COL24A1: variants seen among roughly 807,000 people sequenced by gnomAD.
COL24A1 encodes collagen type XXIV alpha 1 chain, also known as collagen alpha-1(XXIV) chain.
COL24A1 carries 224 observed loss-of-function variants against 253.9 expected under a neutral mutation model. That is an observed-to-expected ratio of 0.88 (90% CI 0.79 to 0.99). The LOEUF is 0.99. COL24A1 is among the 50% of genes least tolerant of loss of function. COL24A1 has a pLI of 0.00. For synonymous variants in COL24A1, 685 were observed against 673.7 expected (o/e 1.02, Z -0.26); for missense variants, 2,131 against 2,068.5 (o/e 1.03, Z -0.59).
chr1:85,962,859 C>G (rs1479805210), intron 23 of COL24A1, among the ~76,000 whole-genome samples: 1 of 151,922 alleles, frequency 6.6e-6, no homozygotes, highest in Non-Finnish European at 1.5e-5. Context: ...AATATTGTAG[C>G]CAATAATGAC....
chr1:85,981,341 A>G (rs1185621457), intron 20 of COL24A1, among the ~76,000 whole-genome samples: 2 of 152,176 alleles, frequency 1.3e-5, no homozygotes, highest in Non-Finnish European at 2.9e-5. Flanking sequence ...AAAGCCAAAT[A>G]TTTACAGCTA....
At chr1:85,787,490 G>C (rs1191751666) in intron 47 of COL24A1, among the ~76,000 whole-genome samples, 1 of 152,130 alleles carries the variant, frequency 6.6e-6, no homozygotes, top group African/African-American at 2.4e-5. Context: ...GCATTAGTTT[G>C]CTGAAGATAA....
chr1:85,993,747 A>G (rs1694515814), intron 19 of COL24A1, among the ~76,000 whole-genome samples: 1 of 151,984 alleles, frequency 6.6e-6, no homozygotes, highest in African/African-American at 2.4e-5. Context: ...CTGTAAAAAG[A>G]AAGGTATTTA....
chr1:85,800,962 A>C (rs1018792003), intron 47 of COL24A1, among the ~76,000 whole-genome samples: 2 of 152,198 alleles, frequency 1.3e-5, no homozygotes, highest in Admixed American at 6.5e-5. Flanking sequence ...AACAAACACA[A>C]AATGCATCTA....
chr1:86,007,159 G>A (rs1361914077), intron 19 of COL24A1, among the ~76,000 whole-genome samples: 1 of 152,106 alleles, frequency 6.6e-6, no homozygotes, highest in Non-Finnish European at 1.5e-5. Context: ...AGGCGACAGT[G>A]AGCCATGGTC....
intron 39 of COL24A1, among the ~76,000 whole-genome samples, chr1:85,845,862 G>C (rs1028853966): frequency 6.6e-6 from 1 of 151,804 alleles, no homozygotes; most frequent in Non-Finnish European, 1.5e-5. Context: ...TAAATAAAAA[G>C]ACATATGGTG....
intron 24 of COL24A1, among the ~76,000 whole-genome samples, chr1:85,924,293 A>G (rs1247310651): frequency 1.3e-5 from 2 of 152,242 alleles, no homozygotes; most frequent in Non-Finnish European, 2.9e-5. Context: ...CAATAGAAAA[A>G]GAGGGACTCC....
At chr1:86,044,339 T>C (rs1699737685) in intron 12 of COL24A1, among the ~76,000 whole-genome samples, 1 of 152,206 alleles carries the variant, frequency 6.6e-6, no homozygotes, top group African/African-American at 2.4e-5. Context: ...TAAGTTGACA[T>C]GTGGCTATAA....
chr1:85,773,203 G>T (rs1215662163), intron 53 of COL24A1, among the ~76,000 whole-genome samples: 1 of 152,086 alleles, frequency 6.6e-6, no homozygotes, highest in Non-Finnish European at 1.5e-5. Context: ...TATTTCTGAG[G>T]CCTCCGTTCT....
chr1:86,111,732 C>A (rs1161717988), intron 5 of COL24A1, among the ~76,000 whole-genome samples: 3 of 152,198 alleles, frequency 2.0e-5, no homozygotes, highest in African/African-American at 7.2e-5. Flanking sequence ...AGCTGTAACA[C>A]TGTGAAAGTC....
intron 5 of COL24A1, among the ~76,000 whole-genome samples, chr1:86,099,843 C>T (rs1480403698): frequency 6.6e-6 from 1 of 152,076 alleles, no homozygotes. Context: ...CAGAAGTATC[C>T]TAGAATATTA....
At chr1:85,819,848 CTTTTTTTTTT>C (rs550894402) in intron 45 of COL24A1, among the ~76,000 whole-genome samples, 1 of 135,886 alleles carries the variant, frequency 7.4e-6, no homozygotes, top group Admixed American at 7.5e-5. Context: ...TTCTCTTTTC[CTTTTTTTTTT>C]TTTTTTTGAG....
chr1:86,108,969 T>C (rs1303651657), intron 5 of COL24A1, among the ~76,000 whole-genome samples: 4 of 152,228 alleles, frequency 2.6e-5, no homozygotes, highest in Non-Finnish European at 5.9e-5. Flanking sequence ...AAAACAGAAC[T>C]ACTTTTGCAC....
At chr1:85,895,233 A>G (rs915061207) in intron 31 of COL24A1, among the ~76,000 whole-genome samples, 12 of 152,118 alleles carry the variant, frequency 7.9e-5, no homozygotes, top group Admixed American at 3.9e-4. Context: ...AAAAAAATGT[A>G]TAATTCTGGT....
rs932447350 is a variant in COL24A1 at position 85,858,594 on chromosome 1, A to G, written c.3301-9188T>C. ...CTTTACCTGGTCACTCCACATCCCA[A>G]TAACATATTTTCTCCTTATTTTCTC... On this transcript the variant is annotated intron_variant, in intron 37 of 59. Coordinates refer to ENST00000370571, the MANE Select transcript of COL24A1 (RefSeq NM_152890.7). Among the ~76,000 whole-genome samples the G allele has an allele frequency of 3.3e-5, 4 of 122,952 alleles. No homozygotes were observed. In the South Asian group the frequency reaches 9.3e-4, roughly 29 times the overall value. 80.7% of individuals were successfully genotyped at this position (122,952 alleles called of 152,430 possible). A position where few individuals can be genotyped will look rare whatever the true frequency, so the allele number is the denominator to read the frequency against.
intron 14 of COL24A1, 120 bp from the exon 15 acceptor site, chr1:86,023,127 C>T (rs555426634): frequency 6.5e-5 from 50 of 768,578 alleles, no homozygotes; most frequent in Non-Finnish European, 1.0e-4. Context: ...CCTACACGTG[C>T]CTTGTTCTTC....
chr1:85,816,645 A>G, intron 47 of COL24A1, 143 bp downstream of exon 47: 1 of 644,878 alleles, frequency 1.6e-6, no homozygotes, highest in South Asian at 2.0e-5. Flanking sequence ...TCCTAAATAC[A>G]ACTGCATAAT....
At chr1:86,074,956 C>T (rs901922803) in intron 7 of COL24A1, among the ~76,000 whole-genome samples, 8 of 152,092 alleles carry the variant, frequency 5.3e-5, no homozygotes, top group African/African-American at 1.9e-4. Context: ...CTAAAATCAA[C>T]ACCCTAACCT....
intron 57 of COL24A1, among the ~76,000 whole-genome samples, chr1:85,742,960 G>A (rs1369414845): frequency 6.6e-6 from 1 of 151,906 alleles, no homozygotes. Flanking sequence ...CACTTCCCCT[G>A]CAACCAACTC....
Sources: allele counts gnomAD v4.1 joint callset (sites outside exome capture counted in the v4.1 genomes callset), GRCh38; gene constraint gnomAD v4.1.1; transcripts MANE v1.5; gene names NCBI Gene and HGNC (gene_info 2026-07-23, HGNC 2026-07-21).